BRWD1: variants seen among roughly 807,000 people sequenced by gnomAD.
BRWD1 encodes bromodomain and WD repeat domain containing 1, also known as bromodomain and WD repeat-containing protein 1.
BRWD1 carries 82 observed loss-of-function variants against 251.2 expected under a neutral mutation model. The observed-to-expected ratio is 0.33, with a 90% CI of 0.27 to 0.39. The LOEUF (loss-of-function observed/expected upper bound fraction) is 0.39, where lower values mean the gene tolerates loss of function less well. Among genes scored for constraint, BRWD1 ranks in the 10% least tolerant of loss-of-function variants. The probability of loss-of-function intolerance (pLI) is 1.00; values close to 1 mark genes in which losing one functional copy is unlikely to be tolerated. For missense variants in BRWD1, 2,233 were observed against 2,711.6 expected (o/e 0.82, Z 3.92); for synonymous variants, 918 against 902.8 (o/e 1.02, Z -0.30).
At chr21:39,256,312 G>C (rs1386379366) in intron 18 of BRWD1, among the ~76,000 whole-genome samples, 1 of 152,166 alleles carries the variant, frequency 6.6e-6, no homozygotes, top group Non-Finnish European at 1.5e-5. Flanking sequence ...TGAAAAATTT[G>C]CACTGAAGAC....
intron 4 of BRWD1, among the ~76,000 whole-genome samples, chr21:39,303,940 T>C (rs1316401453): frequency 6.7e-6 from 1 of 149,514 alleles, no homozygotes; most frequent in Non-Finnish European, 1.5e-5. Context: ...TCAGCAGCTC[T>C]AGACCAGCCT....
At chr21:39,226,916 G>A (rs1315972132) in intron 27 of BRWD1, among the ~76,000 whole-genome samples, 1 of 152,096 alleles carries the variant, frequency 6.6e-6, no homozygotes, top group Admixed American at 6.5e-5. Flanking sequence ...TTGAGCCCAG[G>A]AATTCAAAAC....
intron 17 of BRWD1, among the ~76,000 whole-genome samples, chr21:39,263,721 A>G (rs1273209517): frequency 6.6e-6 from 1 of 152,226 alleles, no homozygotes; most frequent in East Asian, 1.9e-4. Context: ...AAACTCATCA[A>G]TGGGTCCTAA....
intron 15 of BRWD1, among the ~76,000 whole-genome samples, chr21:39,265,591 C>G (rs970749687): frequency 6.6e-6 from 1 of 152,178 alleles, no homozygotes; most frequent in Admixed American, 6.5e-5. Flanking sequence ...ACAACCCAAT[C>G]CAAAGTGAAG....
Position 39,196,615 on chromosome 21 carries a change from C to T in BRWD1, c.6454G>A (p.Asp2152Asn). Reference sequence around the variant, plus strand: ...AAATCTGATGATTTGGAACTAGTATCAGGTCTAAACTTTGAATTCCCAGTT... The same window carrying T: ...AAATCTGATGATTTGGAACTAGTATTAGGTCTAAACTTTGAATTCCCAGTT... ...ETTGNSKFRP[D>N]TSSKSSDLGS... Residue 2152 changes from aspartate to asparagine, a missense_variant, in exon 41 of 41, where the codon GAT becomes AAT. Asp to Asn is a conservative substitution (Grantham distance 23). Transcript: ENST00000342449. 6.2e-7 allele frequency: 1 copy of T among 1,613,478 alleles called. No individual in the cohort carries two copies. Among genetic ancestry groups the T allele is most frequent in the Non-Finnish European group, 8.5e-7 (1 of 1,179,754 alleles).
intron 2 of BRWD1, 65 bp downstream of exon 2, chr21:39,313,176 G>T: frequency 6.7e-7 from 1 of 1,498,386 alleles, no homozygotes; most frequent in Non-Finnish European, 8.9e-7. Flanking sequence ...CCCACCACCC[G>T]CGACCCCCGG....
intron 33 of BRWD1, among the ~76,000 whole-genome samples, chr21:39,213,092 C>T (rs967470437): frequency 1.3e-5 from 2 of 152,142 alleles, no homozygotes; most frequent in Admixed American, 6.6e-5. Flanking sequence ...CCACCCCCAT[C>T]TAACTTTTTT....
chr21:39,277,204 A>G (rs1287336221), intron 11 of BRWD1, 47 bp downstream of exon 11: 5 of 1,376,008 alleles, frequency 3.6e-6, no homozygotes, highest in Non-Finnish European at 5.1e-6. Context: ...AATAACAGGA[A>G]TAGTATTAAC....
At chr21:39,318,820 C>G (rs1377085633) in intron 1 of BRWD1, among the ~76,000 whole-genome samples, 10 of 152,158 alleles carry the variant, frequency 6.6e-5, no homozygotes. Flanking sequence ...GGGTCTTGCT[C>G]TGTTGCCCAG....
At chr21:39,288,031 G>A (rs1270879968) in intron 8 of BRWD1, among the ~76,000 whole-genome samples, 9 of 152,158 alleles carry the variant, frequency 5.9e-5, no homozygotes, top group Non-Finnish European at 4.4e-5. Context: ...GTGTCTCAAG[G>A]CTGAGAGATG....
At chr21:39,226,929 G>A (rs2033407245) in intron 27 of BRWD1, among the ~76,000 whole-genome samples, 2 of 151,850 alleles carry the variant, frequency 1.3e-5, no homozygotes, top group South Asian at 4.2e-4. Context: ...TTCAAAACCA[G>A]CCTGGGCAAT....
chr21:39,255,807 T>A lies in BRWD1; in HGVS notation c.2093A>T (p.Asp698Val). The A allele has an allele frequency of 6.2e-7, 1 of 1,614,160 alleles. No homozygotes were observed. Among genetic ancestry groups the A allele is most frequent in the Non-Finnish European group, 8.5e-7 (1 of 1,180,002 alleles). The change falls in exon 19 of 41, where the codon GAC becomes GTC. Residue 698 changes from aspartate (D) to valine (V), a missense_variant. Physicochemically the swap from Asp to Val is radical, Grantham distance 152. Transcript: ENST00000342449. The part of the protein sequence containing the change: ...PRRGFRRLSL[D>V]IQSPPNIGLR... ...ACCAATATTTGGAGGGGACTGAATG[T>A]CTAAGCTCAGCCTTCTAAAACCTAG...
chr21:39,222,054 A>G (rs1313999530), intron 29 of BRWD1, among the ~76,000 whole-genome samples: 2 of 152,188 alleles, frequency 1.3e-5, no homozygotes, highest in East Asian at 3.8e-4. Context: ...TAAAAAAAAC[A>G]AAAGTATCCA....
chr21:39,263,162 T>C (rs1314883458), intron 17 of BRWD1, among the ~76,000 whole-genome samples: 1 of 152,194 alleles, frequency 6.6e-6, no homozygotes, highest in Non-Finnish European at 1.5e-5. Flanking sequence ...ATTTTGTATA[T>C]AAAGTACACT....
chr21:39,264,163 C>G (rs1043670488), intron 17 of BRWD1, among the ~76,000 whole-genome samples: 22 of 152,000 alleles, frequency 1.4e-4, no homozygotes, highest in African/African-American at 5.1e-4. Context: ...ACTAGAATAA[C>G]TGGAAATTTT....
At chr21:39,210,353 G>T (rs1220257000) in intron 35 of BRWD1, among the ~76,000 whole-genome samples, 1 of 152,170 alleles carries the variant, frequency 6.6e-6, no homozygotes, top group African/African-American at 2.4e-5. Flanking sequence ...TTTATTGTTA[G>T]TGACACATGG....
chr21:39,251,927 A>G (rs952142853), intron 19 of BRWD1, among the ~76,000 whole-genome samples: 1 of 152,186 alleles, frequency 6.6e-6, no homozygotes, highest in Non-Finnish European at 1.5e-5. Flanking sequence ...TGAGATGGTC[A>G]GCTAAGAAAA....
intron 12 of BRWD1, 24 bp from the exon 13 acceptor site, chr21:39,274,496 T>C: frequency 6.4e-7 from 1 of 1,560,528 alleles, no homozygotes; most frequent in Non-Finnish European, 8.8e-7. Context: ...GAACAGGATC[T>C]TACTATATTC....
intron 8 of BRWD1, among the ~76,000 whole-genome samples, chr21:39,290,711 A>G (rs1370773066): frequency 6.6e-6 from 1 of 152,236 alleles, no homozygotes; most frequent in East Asian, 1.9e-4. Context: ...ATCAAACTAT[A>G]AAATGTTAAC....
Sources: allele counts gnomAD v4.1 joint callset (sites outside exome capture counted in the v4.1 genomes callset), GRCh38; gene constraint gnomAD v4.1.1; transcripts MANE v1.5; gene names NCBI Gene and HGNC (gene_info 2026-07-23, HGNC 2026-07-21).